Variants in PDE3A observed in about 807,000 individuals in gnomAD.
The protein encoded by PDE3A is cGMP-inhibited 3',5'-cyclic phosphodiesterase 3A.
In PDE3A, 43 loss-of-function variants were observed where a neutral mutation model predicts 98.3. The observed-to-expected ratio is 0.44, with a 90% confidence interval of 0.34 to 0.56. The LOEUF (loss-of-function observed/expected upper bound fraction) is 0.56. Ranked by LOEUF, PDE3A falls within the 20% of genes least tolerant of loss-of-function variation. PDE3A has a pLI of 0.01. For synonymous variants in PDE3A, 663 were observed against 567.9 expected (o/e 1.17, Z -2.38); for missense variants, 1,427 against 1,440.7 (o/e 0.99, Z 0.15).
chr12:20,530,146 A>G (rs1342541391), intron 1 of PDE3A, among the ~76,000 whole-genome samples: 2 of 152,172 alleles, frequency 1.3e-5, no homozygotes, highest in Non-Finnish European at 2.9e-5. Flanking sequence ...TTATTCGATC[A>G]TTTCTTTCAC....
intron 12 of PDE3A, 101 bp from the exon 13 acceptor site, chr12:20,648,587 G>A (rs1944830626): frequency 2.7e-6 from 2 of 754,404 alleles, no homozygotes; most frequent in South Asian, 3.0e-5. Flanking sequence ...ACATTTCTTT[G>A]TTGTATGAAT....
At chr12:20,582,065 C>A (rs993730561) in intron 2 of PDE3A, among the ~76,000 whole-genome samples, 1 of 151,940 alleles carries the variant, frequency 6.6e-6, no homozygotes, top group African/African-American at 2.4e-5. Flanking sequence ...AAACTCTTAG[C>A]AAGTTTTTGT....
rs1945793533 is a variant in PDE3A, at chr12:20,681,813, T to C, written c.*1542T>C. On this transcript the variant is annotated 3_prime_UTR_variant, in exon 16 of 16. Coordinates refer to ENST00000359062, the MANE Select transcript of PDE3A (RefSeq NM_000921.5). ...CTATTTAAAAAGTTGATACTCACTT[T>C]CAATATTTTATTTCATATTATTATA... is the stretch of plus-strand genomic sequence containing the variant. 1 of 151,934 alleles carries C rather than the reference T, an allele frequency of 6.6e-6. No homozygotes were observed. Among genetic ancestry groups the C allele is most frequent in the Non-Finnish European group, 1.5e-5 (1 of 68,040 alleles). 9.4% of individuals were successfully genotyped at this position (151,934 alleles called of 1,614,324 possible). A position where few individuals can be genotyped will look rare whatever the true frequency, so the allele number is the denominator to read the frequency against.
At chr12:20,476,311 A>C (rs1216918437) in intron 1 of PDE3A, among the ~76,000 whole-genome samples, 1 of 152,202 alleles carries the variant, frequency 6.6e-6, no homozygotes, top group Non-Finnish European at 1.5e-5. Context: ...AAGTGGCAAA[A>C]AGGAGACATC....
intron 3 of PDE3A, among the ~76,000 whole-genome samples, chr12:20,615,319 G>T (rs918126467): frequency 2.0e-5 from 3 of 152,132 alleles, no homozygotes; most frequent in Non-Finnish European, 2.9e-5. Flanking sequence ...TATGGTGGGA[G>T]AAGAAATAAG....
chr12:20,540,802 C>T (rs1398099049), intron 1 of PDE3A, among the ~76,000 whole-genome samples: 1 of 151,946 alleles, frequency 6.6e-6, no homozygotes, highest in Non-Finnish European at 1.5e-5. Flanking sequence ...TGATAATGTG[C>T]AGATATTTTG....
rs1231824593 is a variant in PDE3A at position 20,369,445 on chromosome 12, C to A, written c.161C>A (p.Pro54Gln). ...RGCWGDLVLQ[P>Q]LRSSRKLSSA... ...TGCTGGGGAGACCTGGTGCTGCAGCCGCTCCGGAGCTCTCGGAAACTTTCC... is the reference window on the plus strand; with the variant it reads ...TGCTGGGGAGACCTGGTGCTGCAGCAGCTCCGGAGCTCTCGGAAACTTTCC... The change falls in exon 1 of 16, where the codon CCG becomes CAG. Residue 54 changes from proline to glutamine, a missense_variant. Physicochemically the swap from Pro to Gln is moderately conservative, Grantham distance 76. Around this residue, in one of 3 missense-constraint regions of PDE3A, gnomAD observed 1,012 missense variants for 886.5 expected, o/e 1.14. Transcript: ENST00000359062. 3.9e-6 allele frequency: 6 copies of A among 1,555,524 alleles called. No individual in the cohort carries two copies. The highest frequency in any genetic ancestry group is 5.2e-6 in the Non-Finnish European group (6 of 1,150,430).
chr12:20,441,412 TGAA>T (rs1180379712), intron 1 of PDE3A, among the ~76,000 whole-genome samples: 2 of 152,252 alleles, frequency 1.3e-5, no homozygotes, highest in South Asian at 2.1e-4. Flanking sequence ...AATATGGTAT[TGAA>T]GAAGAATAGT....
chr12:20,665,362 G>T (rs1280137532), intron 15 of PDE3A, among the ~76,000 whole-genome samples: 2 of 151,788 alleles, frequency 1.3e-5, no homozygotes, highest in African/African-American at 4.8e-5. Context: ...GTTTAAATTG[G>T]GTTTATTATT....
intron 4 of PDE3A, among the ~76,000 whole-genome samples, chr12:20,616,798 T>G (rs1944019148): frequency 6.6e-6 from 1 of 152,080 alleles, no homozygotes; most frequent in South Asian, 2.1e-4. Flanking sequence ...TGTCTTAGCG[T>G]TGTACAAAAG....
chr12:20,390,778 C>T lies in PDE3A; in HGVS notation c.960+20534C>T, dbSNP rs551133259. On this transcript the variant is annotated intron_variant, in intron 1 of 15. Coordinates refer to ENST00000359062, the MANE Select transcript of PDE3A (RefSeq NM_000921.5). ...TAATACCACAACCACGTTAGTTCAC[C>T]GTATTTTCCTGATTAGTATGTACAT... Among the ~76,000 whole-genome samples the T allele has an allele frequency of 3.9e-5, 6 of 151,970 alleles. No homozygotes were observed. In the South Asian group the frequency reaches 6.2e-4, roughly 16 times the overall value.
intron 1 of PDE3A, among the ~76,000 whole-genome samples, chr12:20,491,970 C>T (rs941547545): frequency 2.0e-5 from 3 of 149,150 alleles, no homozygotes; most frequent in Non-Finnish European, 3.0e-5. Context: ...AAATTCCTGA[C>T]GATAATTTAG....
chr12:20,662,527 C>T (rs1302893002), intron 15 of PDE3A, among the ~76,000 whole-genome samples: 4 of 152,164 alleles, frequency 2.6e-5, no homozygotes, highest in African/African-American at 9.7e-5. Context: ...GGGCCTGTAG[C>T]GCCTTTGTTT....
At chr12:20,550,754 ATTACT>A (rs1184230099) in intron 1 of PDE3A, among the ~76,000 whole-genome samples, 1 of 152,020 alleles carries the variant, frequency 6.6e-6, no homozygotes, top group Admixed American at 6.6e-5. Flanking sequence ...AATTCATTAA[ATTACT>A]TTGTTATGTT....
At chr12:20,493,079 A>G (rs1555152507) in intron 1 of PDE3A, among the ~76,000 whole-genome samples, 1 of 152,190 alleles carries the variant, frequency 6.6e-6, no homozygotes, top group Non-Finnish European at 1.5e-5. Flanking sequence ...TATGTATGAA[A>G]TGTGTAGGTG....
chr12:20,450,843 G>A (rs1945050845), intron 1 of PDE3A, among the ~76,000 whole-genome samples: 2 of 152,190 alleles, frequency 1.3e-5, no homozygotes, highest in South Asian at 4.1e-4. Context: ...GGGATTTGAA[G>A]AATAGCATAA....
At chr12:20,397,269 T>A (rs1944036117) in intron 1 of PDE3A, among the ~76,000 whole-genome samples, 2 of 152,026 alleles carry the variant, frequency 1.3e-5, no homozygotes, top group African/African-American at 4.8e-5. Context: ...TCTTTATATA[T>A]GTCTCTATAT....
chr12:20,410,639 G>A (rs1204472936), intron 1 of PDE3A, among the ~76,000 whole-genome samples: 2 of 152,098 alleles, frequency 1.3e-5, no homozygotes, highest in Non-Finnish European at 2.9e-5. Flanking sequence ...TGTTTTGGGT[G>A]AGAACCATTA....
chr12:20,510,000 A>G (rs1047884586), intron 1 of PDE3A, among the ~76,000 whole-genome samples: 2 of 152,068 alleles, frequency 1.3e-5, no homozygotes, highest in Non-Finnish European at 2.9e-5. Flanking sequence ...AATGATATTT[A>G]TATGATAAAA....
Sources: gnomAD v4.1 joint callset for allele counts (sites outside exome capture counted in the v4.1 genomes callset) on GRCh38, gnomAD v4.1.1 for gene constraint, gnomAD v4.1.1 regional missense constraint, MANE v1.5 for transcripts, NCBI Gene and HGNC (gene_info 2026-07-23, HGNC 2026-07-21) for gene names.